INSYN2A: variants seen among roughly 807,000 people sequenced by gnomAD.
The protein encoded by INSYN2A is family with sequence similarity 196 member A.
INSYN2A carries 17 observed loss-of-function variants against 39.4 expected under a neutral mutation model. The observed-to-expected ratio is 0.43, with a 90% confidence interval of 0.30 to 0.65. The LOEUF (loss-of-function observed/expected upper bound fraction) is 0.65, where lower values mean the gene tolerates loss of function less well. INSYN2A is among the 30% of genes least tolerant of loss of function. INSYN2A has a pLI of 0.14. For synonymous variants in INSYN2A, 255 were observed against 265.7 expected (o/e 0.96, Z 0.39); for missense variants, 595 against 631.2 (o/e 0.94, Z 0.61).
intron 4 of INSYN2A, among the ~76,000 whole-genome samples, chr10:127,169,998 T>C (rs757352019): frequency 4.0e-5 from 6 of 151,778 alleles, no homozygotes; most frequent in Non-Finnish European, 8.8e-5. Context: ...GGGGTTCCTT[T>C]AGCTTCTTTT....
chr10:127,176,380 T>C lies in INSYN2A; in HGVS notation c.16A>G (p.Thr6Ala), dbSNP rs1252251747. 6.2e-7 allele frequency: 1 copy of C among 1,607,940 alleles called. No individual in the cohort carries two copies. Among genetic ancestry groups the C allele is most frequent in the African/African-American group, 1.3e-5 (1 of 74,864 alleles). Residue 6 changes from threonine (T) to alanine (A), a missense_variant, in exon 4 of 6, where the codon ACC becomes GCC. By Grantham distance (58) the Thr-to-Ala change is moderately conservative. Around this residue, in one of 2 missense-constraint regions of INSYN2A, gnomAD observed 478 missense variants for 467.4 expected, o/e 1.02. Transcript: ENST00000522781. The surrounding 1 kb of genome is among the most constrained non-coding windows in gnomAD (Gnocchi z 4.4). ...GACGTTGTGAGTATGCATTTGCCGG[T>C]GTCCTTACTGACCATGGTTCCTGCA... MVSKD[T>A]GKCILTTSES...
intron 1 of INSYN2A, among the ~76,000 whole-genome samples, 175 bp from the exon 2 acceptor site, chr10:127,192,905 A>G (rs898489583): frequency 9.2e-5 from 14 of 152,214 alleles, no homozygotes; most frequent in African/African-American, 3.4e-4. Flanking sequence ...AACAATGTAC[A>G]TTTTAAATAA....
intron 5 of INSYN2A, among the ~76,000 whole-genome samples, chr10:127,151,807 C>T (rs1415805434): frequency 1.4e-4 from 22 of 152,144 alleles, no homozygotes; most frequent in Non-Finnish European, 2.9e-5. Context: ...AGCAAGTGGA[C>T]CAGTGGCTGA....
chr10:127,152,111 T>C (rs2133481425), intron 5 of INSYN2A, among the ~76,000 whole-genome samples: 1 of 152,304 alleles, frequency 6.6e-6, no homozygotes, highest in South Asian at 2.1e-4. Context: ...TGACTCACTG[T>C]TGCTTGGTTG....
Position 127,175,380 on chromosome 10 carries a change from G to T in INSYN2A, c.1016C>A (p.Ala339Glu). Residue 339 changes from alanine (A) to glutamate (E), a missense_variant, in exon 4 of 6, where the codon GCG (alanine) becomes GAG (glutamate). This residue lies in a region of INSYN2A where 478 missense variants were observed against 467.4 expected (regional missense o/e 1.02). Transcript: ENST00000522781. This position sits in a 1 kb window ranked among gnomAD's most constrained non-coding sequence, Gnocchi z 6.3. ...PGLGNQPSPT[A>E]VAAGEECQRI... ...TTGGCATTCTTCACCTGCAGCAACC[G>T]CTGTGGGACTAGGCTGGTTCCCCAG... 3 of 1,613,902 alleles carry T rather than the reference G, an allele frequency of 1.9e-6. No individual in the cohort carries two copies. The highest frequency in any genetic ancestry group is 2.5e-6 in the Non-Finnish European group (3 of 1,180,036).
At chr10:127,154,005 C>A in intron 4 of INSYN2A, 82 bp from the exon 5 acceptor site, 1 of 897,604 alleles carries the variant, frequency 1.1e-6, no homozygotes, top group Non-Finnish European at 1.9e-6. Flanking sequence ...AAATCAAATG[C>A]CTTCCCAATG....
chr10:127,156,508 CTCTTT>C (rs1044336150), intron 4 of INSYN2A, among the ~76,000 whole-genome samples: 19 of 149,994 alleles, frequency 1.3e-4, no homozygotes, highest in African/African-American at 4.4e-4. Context: ...ATCTTTTCTT[CTCTTT>C]TCTTTACTTT....
At chr10:127,160,874 T>C (rs2053539748) in intron 4 of INSYN2A, among the ~76,000 whole-genome samples, 2 of 152,362 alleles carry the variant, frequency 1.3e-5, no homozygotes, top group South Asian at 4.1e-4. Flanking sequence ...TTACCCAGGT[T>C]TGTGCACTAG....
chr10:127,190,725 C>CCA (rs1564888051), intron 2 of INSYN2A, among the ~76,000 whole-genome samples: 1 of 134,766 alleles, frequency 7.4e-6, no homozygotes, highest in Non-Finnish European at 1.6e-5. Flanking sequence ...TTAAAATCCC[C>CCA]CACCGCCTTG....
intron 5 of INSYN2A, among the ~76,000 whole-genome samples, chr10:127,147,376 C>T (rs1484486426): frequency 2.0e-5 from 3 of 152,158 alleles, no homozygotes; most frequent in African/African-American, 4.8e-5. Context: ...CAAATCCTCC[C>T]TAACCTGGCC....
At chr10:127,160,503 T>G (rs532972751) in intron 4 of INSYN2A, among the ~76,000 whole-genome samples, 1 of 152,328 alleles carries the variant, frequency 6.6e-6, no homozygotes, top group South Asian at 2.1e-4. Context: ...GTGACCCAGT[T>G]GTTGATTTGC....
chr10:127,147,523 C>T lies in INSYN2A; in HGVS notation c.1256+6329G>A, dbSNP rs569625601. On this transcript the variant is annotated intron_variant, in intron 5 of 5. Coordinates refer to ENST00000522781, the MANE Select transcript of INSYN2A (RefSeq NM_001039762.3). ...ACCTTCCATACAGAGGGCTCTCTCTCGCCAGAGCTCTGTCCTTACCCTCAT... is the reference window on the plus strand; with the variant it reads ...ACCTTCCATACAGAGGGCTCTCTCTTGCCAGAGCTCTGTCCTTACCCTCAT... Among the ~76,000 whole-genome samples, 10 of 152,216 alleles carry T rather than the reference C, an allele frequency of 6.6e-5. No homozygotes were observed. The East Asian group carries it at 7.8e-4, about 12-fold the overall frequency.
At chr10:127,138,873 A>G (rs1443320798) in intron 5 of INSYN2A, among the ~76,000 whole-genome samples, 12 of 152,180 alleles carry the variant, frequency 7.9e-5, no homozygotes, top group Admixed American at 7.2e-4. Flanking sequence ...TCTCGTCTCC[A>G]TGTCTTTGAA....
In INSYN2A at chr10:127,175,069, T is replaced by G; in HGVS notation, c.1184+143A>C. 1 of 705,858 alleles carries G rather than the reference T, an allele frequency of 1.4e-6. No homozygotes were observed. Among genetic ancestry groups the G allele is most frequent in the Non-Finnish European group, 2.5e-6 (1 of 406,654 alleles). 43.7% of individuals were successfully genotyped at this position (705,858 alleles called of 1,614,324 possible). ...TATCATAAAATAATCTGCGACCCCT[T>G]GGAGCTCGCCACGCCCTTAGACTAT... On this transcript the variant is annotated intron_variant, in intron 4 of 5. Coordinates refer to ENST00000522781, the MANE Select transcript of INSYN2A (RefSeq NM_001039762.3). The surrounding 1 kb of genome is among the most constrained non-coding windows in gnomAD (Gnocchi z 6.3).
chr10:127,182,875 C>T (rs1010309647), intron 2 of INSYN2A, among the ~76,000 whole-genome samples: 1 of 152,142 alleles, frequency 6.6e-6, no homozygotes, highest in African/African-American at 2.4e-5. Context: ...AGGTGTCCCA[C>T]TGACCCTGGA....
Position 127,169,071 on chromosome 10 carries a change from C to T in INSYN2A, c.1184+6141G>A, listed in dbSNP as rs559394699. Among the ~76,000 whole-genome samples, 54 of 152,304 alleles carry T rather than the reference C, an allele frequency of 3.5e-4. 1 individual carries two copies. The highest frequency in any genetic ancestry group is 3.1e-3 in the Admixed American group (47 of 15,294). On this transcript the variant is annotated intron_variant, in intron 4 of 5. Transcript: ENST00000522781. ...ATCAATATTCTAGGTTAACGCAAGT[C>T]ACATCACGCAAACATGTTCTGTGAT...
At chr10:127,139,753 G>A (rs970640849) in intron 5 of INSYN2A, among the ~76,000 whole-genome samples, 1 of 152,150 alleles carries the variant, frequency 6.6e-6, no homozygotes, top group African/African-American at 2.4e-5. Flanking sequence ...CTTCAAGGGG[G>A]AGAAAATAGT....
rs1163013458 is a variant in INSYN2A at position 127,175,711 on chromosome 10, T to C, written c.685A>G (p.Lys229Glu). 1 of 1,613,994 alleles carries C rather than the reference T, an allele frequency of 6.2e-7. No homozygotes were observed. Among genetic ancestry groups the C allele is most frequent in the Non-Finnish European group, 8.5e-7 (1 of 1,180,022 alleles). The change falls in exon 4 of 6, where the codon AAG becomes GAG. Residue 229 changes from lysine to glutamate, a missense_variant. Coordinates refer to ENST00000522781, the MANE Select transcript of INSYN2A (RefSeq NM_001039762.3). The surrounding 1 kb of genome is among the most constrained non-coding windows in gnomAD (Gnocchi z 6.3). ...GAGTTTGGCCTCCCCCGGTCCTGCTTGGCCCTCCCGAGCAGCTGGTAATCG... is the reference window on the plus strand; with the variant it reads ...GAGTTTGGCCTCCCCCGGTCCTGCTCGGCCCTCCCGAGCAGCTGGTAATCG... ...EPDYQLLGRA[K>E]QDRGRPNSEE...
chr10:127,194,815 C>A (rs187144352), intron 1 of INSYN2A, among the ~76,000 whole-genome samples: 1 of 152,286 alleles, frequency 6.6e-6, no homozygotes, highest in African/African-American at 2.4e-5. Flanking sequence ...AGGCAGGGCT[C>A]CCCCAAAGTT....
Sources: gnomAD v4.1 joint callset for allele counts (sites outside exome capture counted in the v4.1 genomes callset) on GRCh38, gnomAD v4.1.1 for gene constraint, gnomAD v4.1.1 regional missense constraint, Gnocchi (gnomAD v3.1) non-coding constraint, MANE v1.5 for transcripts, NCBI Gene and HGNC (gene_info 2026-07-23, HGNC 2026-07-21) for gene names.